KDM4C: variants seen among roughly 807,000 people sequenced by gnomAD.
The protein encoded by KDM4C is lysine demethylase 4C.
Under a neutral mutation model 129.3 loss-of-function variants are expected in KDM4C, and 81 were observed. The ratio of observed to expected loss-of-function variants is 0.63; its 90% CI spans 0.52 to 0.75. The LOEUF (loss-of-function observed/expected upper bound fraction) is 0.75, where lower values mean the gene tolerates loss of function less well. KDM4C is among the 30% of genes least tolerant of loss of function. The pLI is 0.00. For synonymous variants in KDM4C, 573 were observed against 456.1 expected (o/e 1.26, Z -3.26); for missense variants, 1,457 against 1,304.0 (o/e 1.12, Z -1.81).
intron 19 of KDM4C, among the ~76,000 whole-genome samples, chr9:7,156,661 T>G (rs1317691084): frequency 2.6e-5 from 4 of 152,066 alleles, no homozygotes; most frequent in Non-Finnish European, 4.4e-5. Flanking sequence ...TCAGATGGTT[T>G]TAGATGTGTG....
intron 1 of KDM4C, among the ~76,000 whole-genome samples, chr9:6,728,180 T>A (rs1268288449): frequency 6.7e-6 from 1 of 150,170 alleles, no homozygotes; most frequent in Non-Finnish European, 1.5e-5. Context: ...GTGGGATACA[T>A]AAATAATTGC....
chr9:6,770,948 G>C (rs531720828), intron 1 of KDM4C, among the ~76,000 whole-genome samples: 1 of 151,484 alleles, frequency 6.6e-6, no homozygotes, highest in East Asian at 1.9e-4. Context: ...GCTAATTTTT[G>C]TATTTTCAGT....
At chr9:6,917,257 C>A (rs1820481808) in intron 8 of KDM4C, among the ~76,000 whole-genome samples, 1 of 150,278 alleles carries the variant, frequency 6.7e-6, no homozygotes, top group Non-Finnish European at 1.5e-5. Flanking sequence ...CAGTTTCAGG[C>A]ATGCCTTCCT....
At position 7,129,326 on chromosome 9, in the gene KDM4C, C is replaced by G. The variant is rs561310079; in HGVS notation, c.2781+1090C>G. Among the ~76,000 whole-genome samples the G allele has an allele frequency of 3.9e-5, 6 of 152,310 alleles. No homozygotes were observed. The East Asian group carries it at 7.7e-4, about 20-fold the overall frequency. ...TTTGTTATACTTACCTCTCTCTATGCTGGTAAGAATGGCAAGTATATAAAC... is the reference window on the plus strand; with the variant it reads ...TTTGTTATACTTACCTCTCTCTATGGTGGTAAGAATGGCAAGTATATAAAC... On this transcript the variant is annotated intron_variant, in intron 19 of 21. Coordinates refer to ENST00000381309, the MANE Select transcript of KDM4C (RefSeq NM_015061.6).
chr9:6,836,432 A>G (rs1464068844), intron 4 of KDM4C, among the ~76,000 whole-genome samples: 1 of 152,184 alleles, frequency 6.6e-6, no homozygotes, highest in Non-Finnish European at 1.5e-5. Context: ...TATATGTACA[A>G]TATATTTAAG....
chr9:7,007,289 G>C (rs1378387176), intron 12 of KDM4C, among the ~76,000 whole-genome samples: 2 of 152,122 alleles, frequency 1.3e-5, no homozygotes, highest in Non-Finnish European at 2.9e-5. Flanking sequence ...CTTGCTACAA[G>C]GAATGACAAT....
chr9:6,920,260 C>A (rs1821236429), intron 8 of KDM4C, among the ~76,000 whole-genome samples: 1 of 151,824 alleles, frequency 6.6e-6, no homozygotes, highest in African/African-American at 2.4e-5. Flanking sequence ...CTCATGAGTC[C>A]CATGGGGTCA....
chr9:7,132,411 A>G (rs576053431), intron 19 of KDM4C, among the ~76,000 whole-genome samples: 1 of 151,906 alleles, frequency 6.6e-6, no homozygotes, highest in South Asian at 2.1e-4. Context: ...ACGCTCTTTG[A>G]ACTATCAGGA....
intron 8 of KDM4C, among the ~76,000 whole-genome samples, chr9:6,919,169 G>T (rs1820873503): frequency 6.6e-6 from 1 of 151,832 alleles, no homozygotes; most frequent in Non-Finnish European, 1.5e-5. Flanking sequence ...TTTCATTGGG[G>T]TTGTTTTTTG....
intron 19 of KDM4C, among the ~76,000 whole-genome samples, chr9:7,161,045 C>T (rs1843728933): frequency 6.6e-6 from 1 of 152,226 alleles, no homozygotes; most frequent in Non-Finnish European, 1.5e-5. Flanking sequence ...TGGCAGACGC[C>T]TCTCCCCCAA....
intron 19 of KDM4C, among the ~76,000 whole-genome samples, chr9:7,136,376 G>A (rs1458667476): frequency 1.3e-5 from 2 of 152,188 alleles, no homozygotes; most frequent in Admixed American, 6.5e-5. Context: ...TATATGGTAA[G>A]TGTGTGTTCA....
chr9:7,011,685 C>T lies in KDM4C; in HGVS notation c.1787-13C>T, dbSNP rs772056264. 8 of 1,612,990 alleles carry T rather than the reference C, an allele frequency of 5.0e-6. No homozygotes were observed. Among genetic ancestry groups the T allele is most frequent in the African/African-American group, 4.0e-5 (3 of 74,888 alleles). On this transcript the variant is annotated splice_polypyrimidine_tract_variant and intron_variant, in intron 12 of 21. Transcript: ENST00000381309. The stretch of plus-strand genomic sequence containing the variant: ...TCCCATGCTCATGGTATTTTCCTGC[C>T]TTCTCCCTTAAGAATTGCCTGAGGT...
intron 8 of KDM4C, among the ~76,000 whole-genome samples, chr9:6,896,924 G>A (rs780730061): frequency 5.3e-5 from 8 of 152,098 alleles, no homozygotes; most frequent in African/African-American, 1.7e-4. Context: ...GGCTTTCATC[G>A]GAATCTGTTA....
intron 1 of KDM4C, chr9:6,748,611 C>A: frequency 1.4e-6 from 1 of 715,806 alleles, no homozygotes; most frequent in Non-Finnish European, 2.5e-6. Context: ...TAAGTGTAAT[C>A]AAAACAATAT....
chr9:6,757,886 G>A, upstream of KDM4C: 1 of 985,474 alleles, frequency 1.0e-6, no homozygotes, highest in Non-Finnish European at 1.2e-6. Context: ...AGCGTGCCGG[G>A]CACCTTTAAG....
chr9:6,841,009 T>G (rs565013164), intron 4 of KDM4C, among the ~76,000 whole-genome samples: 65 of 152,346 alleles, frequency 4.3e-4, no homozygotes, highest in Non-Finnish European at 8.2e-4. Context: ...GAAGAAAGAC[T>G]GTAGTCCTGC....
At chr9:6,944,726 G>A (rs1826615136) in intron 8 of KDM4C, among the ~76,000 whole-genome samples, 1 of 128,232 alleles carries the variant, frequency 7.8e-6, no homozygotes, top group South Asian at 2.7e-4. Context: ...TTGATCTTAG[G>A]AAGAGCTTGT....
At chr9:7,130,574 CTT>C (rs1329912105) in intron 19 of KDM4C, among the ~76,000 whole-genome samples, 1 of 152,166 alleles carries the variant, frequency 6.6e-6, no homozygotes, top group Non-Finnish European at 1.5e-5. Context: ...AAGCAAAACT[CTT>C]TACAGCTTGG....
chr9:7,130,887 T>G (rs1771938635), intron 19 of KDM4C, among the ~76,000 whole-genome samples: 1 of 151,500 alleles, frequency 6.6e-6, no homozygotes, highest in Non-Finnish European at 1.5e-5. Context: ...GCCTCTTGAG[T>G]AGCTGGGACC....
Sources: allele counts gnomAD v4.1 joint callset (sites outside exome capture counted in the v4.1 genomes callset), GRCh38; gene constraint gnomAD v4.1.1; transcripts MANE v1.5; gene names NCBI Gene and HGNC (gene_info 2026-07-23, HGNC 2026-07-21).